Variants in VPS13B observed in about 807,000 individuals in gnomAD.
VPS13B encodes intermembrane lipid transfer protein VPS13B.
In VPS13B, 285 loss-of-function variants were observed where a neutral mutation model predicts 426.4. The ratio of observed to expected loss-of-function variants is 0.67; its 90% CI spans 0.61 to 0.74. The LOEUF is 0.74. Ranked by LOEUF, VPS13B falls within the 30% of genes least tolerant of loss-of-function variation. The pLI, the probability that VPS13B is intolerant of heterozygous loss-of-function variation, is 0.00. For synonymous variants in VPS13B, 1,676 were observed against 1,676.4 expected (o/e 1.00, Z 0.01); for missense variants, 4,537 against 4,782.6 (o/e 0.95, Z 1.51).
chr8:99,099,053 C>T (rs2132440716), intron 4 of VPS13B, among the ~76,000 whole-genome samples: 1 of 151,972 alleles, frequency 6.6e-6, no homozygotes. Context: ...CTTCTGTGAC[C>T]ATCTTAAATA....
At chr8:99,487,069 C>A (rs1402995658) in intron 25 of VPS13B, among the ~76,000 whole-genome samples, 1 of 151,184 alleles carries the variant, frequency 6.6e-6, no homozygotes, top group South Asian at 2.1e-4. Context: ...TCTCCACTTC[C>A]TCTGTCTCCT....
chr8:99,654,361 T>G (rs1229026532), intron 34 of VPS13B, among the ~76,000 whole-genome samples: 1 of 152,232 alleles, frequency 6.6e-6, no homozygotes, highest in African/African-American at 2.4e-5. Context: ...ACTGAATTAT[T>G]ATGATGTTTA....
intron 35 of VPS13B, among the ~76,000 whole-genome samples, chr8:99,665,767 C>T (rs1300873932): frequency 3.7e-4 from 57 of 152,098 alleles, no homozygotes; most frequent in Middle Eastern, 3.4e-3. Flanking sequence ...CCTCCAGCTT[C>T]GTTCTTTTGG....
chr8:99,309,391 T>C (rs1820825535), intron 19 of VPS13B, among the ~76,000 whole-genome samples: 2 of 152,238 alleles, frequency 1.3e-5, no homozygotes, highest in South Asian at 2.1e-4. Flanking sequence ...GTTTCAGCTT[T>C]CTACATATGG....
At chr8:99,196,750 G>A (rs1279635456) in intron 17 of VPS13B, among the ~76,000 whole-genome samples, 1 of 152,050 alleles carries the variant, frequency 6.6e-6, no homozygotes, top group South Asian at 2.1e-4. Context: ...GGATTTTTAC[G>A]TATAAGATCA....
chr8:99,597,086 CTTTTCCTATTGGT>C, intron 33 of VPS13B, among the ~76,000 whole-genome samples: 1 of 152,030 alleles, frequency 6.6e-6, no homozygotes, highest in Non-Finnish European at 1.5e-5. Flanking sequence ...CAAATATTGT[CTTTTCCTATTGGT>C]TCTACCCCTC....
At chr8:99,384,130 C>A in intron 19 of VPS13B, 78 bp from the exon 20 acceptor site, 1 of 1,170,494 alleles carries the variant, frequency 8.5e-7, no homozygotes, top group Non-Finnish European at 1.3e-6. Flanking sequence ...CATAGCTATC[C>A]TACATGGTGT....
intron 36 of VPS13B, among the ~76,000 whole-genome samples, chr8:99,706,937 T>C (rs1041830792): frequency 6.6e-6 from 1 of 152,146 alleles, no homozygotes; most frequent in Non-Finnish European, 1.5e-5. Context: ...CGCTTGTCCA[T>C]ATAAGCCAGT....
chr8:99,155,320 GTAAAA>G (rs1811300813), intron 14 of VPS13B, among the ~76,000 whole-genome samples: 1 of 152,150 alleles, frequency 6.6e-6, no homozygotes, highest in African/African-American at 2.4e-5. Flanking sequence ...GTAATATTGA[GTAAAA>G]AATTATATAC....
At chr8:99,824,403 G>A (rs957019949) in intron 51 of VPS13B, among the ~76,000 whole-genome samples, 3 of 152,204 alleles carry the variant, frequency 2.0e-5, no homozygotes, top group Admixed American at 6.5e-5. Flanking sequence ...GTGGATCTGC[G>A]AGCAGTGAGC....
At chr8:99,520,635 T>G (rs1238512485) in intron 29 of VPS13B, among the ~76,000 whole-genome samples, 1 of 152,098 alleles carries the variant, frequency 6.6e-6, no homozygotes, top group Non-Finnish European at 1.5e-5. Context: ...ATCATAATTT[T>G]TAATGTTGGG....
chr8:99,021,747 C>A (rs1563487631), intron 2 of VPS13B, among the ~76,000 whole-genome samples: 1 of 152,262 alleles, frequency 6.6e-6, no homozygotes, highest in Middle Eastern at 3.4e-3. Context: ...ACCTCTGCCC[C>A]CTCTGAGTGC....
At chr8:99,155,107 A>T (rs1036520754) in intron 14 of VPS13B, among the ~76,000 whole-genome samples, 2 of 152,216 alleles carry the variant, frequency 1.3e-5, no homozygotes, top group African/African-American at 4.8e-5. Flanking sequence ...GTGAAACTGG[A>T]AAATGTAAGG....
chr8:99,573,466 T>C (rs1825595853), intron 31 of VPS13B, among the ~76,000 whole-genome samples: 1 of 152,226 alleles, frequency 6.6e-6, no homozygotes, highest in African/African-American at 2.4e-5. Context: ...CATCTTGAAT[T>C]AATTTTTGTA....
chr8:99,134,012 G>A (rs918084161), intron 8 of VPS13B, among the ~76,000 whole-genome samples: 1 of 152,162 alleles, frequency 6.6e-6, no homozygotes, highest in Non-Finnish European at 1.5e-5. Flanking sequence ...CAATATCTGC[G>A]AAGTGAAATA....
chr8:99,426,669 A>G (rs201065134), intron 21 of VPS13B, among the ~76,000 whole-genome samples: 139 of 47,328 alleles, frequency 2.9e-3, no homozygotes, highest in African/African-American at 0.017. Flanking sequence ...GCCAGTGATG[A>G]TGAGCATTTT....
intron 44 of VPS13B, 34 bp from the exon 45 acceptor site, chr8:99,817,506 T>C (rs748641110): frequency 1.2e-5 from 19 of 1,612,548 alleles, no homozygotes; most frequent in East Asian, 4.5e-5. Context: ...GAAGTCTGAA[T>C]TGATGAAGCC....
chr8:99,845,327 C>T (rs115270956), intron 54 of VPS13B, among the ~76,000 whole-genome samples: 5,048 of 152,220 alleles, frequency 0.033, 286 homozygotes, highest in African/African-American at 0.12. Context: ...TCCATCATCT[C>T]GTATCTTCCC....
chr8:99,678,818 C>CA (rs1831044914), intron 35 of VPS13B, among the ~76,000 whole-genome samples: 1 of 152,080 alleles, frequency 6.6e-6, no homozygotes, highest in African/African-American at 2.4e-5. Context: ...ATTGCTCATT[C>CA]AAAAAAGCAG....
Sources: allele counts gnomAD v4.1 joint callset (sites outside exome capture counted in the v4.1 genomes callset), GRCh38; gene constraint gnomAD v4.1.1; transcripts MANE v1.5; gene names NCBI Gene and HGNC (gene_info 2026-07-23, HGNC 2026-07-21).